MR1: variants seen among roughly 807,000 people sequenced by gnomAD.
MR1 encodes the protein major histocompatibility complex, class I-related.
A neutral mutation model predicts 37.8 loss-of-function variants in MR1; 44 were observed. That is an observed-to-expected ratio of 1.16 (90% CI 0.91 to 1.50). The LOEUF (loss-of-function observed/expected upper bound fraction) is 1.50, where lower values mean the gene tolerates loss of function less well. Among genes scored for constraint, MR1 ranks in the 40% most tolerant of loss-of-function variants. The probability of loss-of-function intolerance (pLI) is 0.00; values close to 1 mark genes in which losing one functional copy is unlikely to be tolerated. For missense variants in MR1, 386 were observed against 419.1 expected (o/e 0.92, Z 0.69); for synonymous variants, 153 against 155.8 (o/e 0.98, Z 0.13).
At chr1:181,035,577 T>C (rs935726250) in intron 1 of MR1, among the ~76,000 whole-genome samples, 1 of 152,134 alleles carries the variant, frequency 6.6e-6, no homozygotes, top group Non-Finnish European at 1.5e-5. Context: ...AAAGCTTATA[T>C]ATTACCTGCA....
chr1:181,053,704 G>A (rs1205555909), intron 5 of MR1, 27 bp downstream of exon 5: 2 of 1,491,380 alleles, frequency 1.3e-6, no homozygotes, highest in African/African-American at 2.8e-5. Flanking sequence ...AGGGATCCAG[G>A]GGGCTGCAGA....
intron 4 of MR1, 98 bp downstream of exon 4, chr1:181,052,608 C>A: frequency 7.5e-7 from 1 of 1,326,972 alleles, no homozygotes; most frequent in Non-Finnish European, 1.0e-6. Flanking sequence ...TAGATCACTG[C>A]CTCACTCAGT....
chr1:181,050,782 A>C (rs1371063857), intron 3 of MR1: 1 of 174,048 alleles, frequency 5.7e-6, no homozygotes, highest in Non-Finnish European at 1.2e-5. Flanking sequence ...GCTTAAGGCC[A>C]GGAGTTTAAG....
intron 1 of MR1, among the ~76,000 whole-genome samples, chr1:181,046,465 C>T (rs1657874938): frequency 6.6e-6 from 1 of 152,036 alleles, no homozygotes; most frequent in Non-Finnish European, 1.5e-5. Flanking sequence ...CTGGTGGGGA[C>T]TTGGAGAACC....
At chr1:181,054,577 G>A (rs111322364) in intron 5 of MR1, among the ~76,000 whole-genome samples, 6 of 152,118 alleles carry the variant, frequency 3.9e-5, no homozygotes, top group East Asian at 3.9e-4. Context: ...GAGGCCGGGC[G>A]TGGTGGCTTA....
At chr1:181,045,154 ATTTTAGGGATGATCCTG>A (rs1657781753) in intron 1 of MR1, among the ~76,000 whole-genome samples, 2 of 152,174 alleles carry the variant, frequency 1.3e-5, no homozygotes, top group Non-Finnish European at 2.9e-5. Flanking sequence ...TAGCCATGAA[ATTTTAGGGATGATCCTG>A]TTTTAGGGAT....
At position 181,053,073 on chromosome 1, in the gene MR1, C is replaced by CA. The variant is rs1472147195; in HGVS notation, c.881-493dup. 5.3e-5 allele frequency among the ~76,000 whole-genome samples: 8 copies of CA among 151,558 alleles called. No homozygotes were observed. In the East Asian group the frequency reaches 5.8e-4, roughly 11 times the overall value. On this transcript the variant is annotated intron_variant, in intron 4 of 5. Transcript: ENST00000367580. The stretch of plus-strand genomic sequence containing the variant: ...GGAGCAAGACTCCCTCTCAAAAAAA[C>CA]AAAAAAACAAAAAACAAAAAAACAC...
At chr1:181,033,612 G>A (rs3806283), upstream of MR1, 33 of 159,114 alleles carry the variant, frequency 2.1e-4, no homozygotes, top group African/African-American at 6.5e-4. Flanking sequence ...GTTCCAAGCC[G>A]TGGGAACTGT....
chr1:181,052,571 C>A, intron 4 of MR1, 61 bp downstream of exon 4: 1 of 1,541,470 alleles, frequency 6.5e-7, no homozygotes, highest in Non-Finnish European at 8.9e-7. Flanking sequence ...GAGCAGGAAA[C>A]CATGCTCGCT....
chr1:181,051,301 G>A (rs1483342768), intron 3 of MR1: 2 of 151,546 alleles, frequency 1.3e-5, no homozygotes, highest in African/African-American at 4.8e-5. Context: ...TCCTAGAAAA[G>A]GATCTTGGAT....
chr1:181,046,045 C>G (rs1264641680), intron 1 of MR1, among the ~76,000 whole-genome samples: 1 of 152,230 alleles, frequency 6.6e-6, no homozygotes, highest in Admixed American at 6.5e-5. Context: ...CGATTTCTCG[C>G]CGGGCCTTAG....
chr1:181,055,501 T>G lies in MR1; in HGVS notation c.*236T>G, dbSNP rs1366172751. On this transcript the variant is annotated 3_prime_UTR_variant, in exon 6 of 6. Coordinates refer to ENST00000367580, the MANE Select transcript of MR1 (RefSeq NM_001385161.1). Reference sequence around the variant, plus strand: ...GATGGACTGTTTTATCAGAGTTGACTTTAAATACAGCTTGTCTCATGACAC... The same window carrying G: ...GATGGACTGTTTTATCAGAGTTGACGTTAAATACAGCTTGTCTCATGACAC... 1 of 537,858 alleles carries G rather than the reference T, an allele frequency of 1.9e-6. No homozygotes were observed. Among genetic ancestry groups the G allele is most frequent in the African/African-American group, 1.9e-5 (1 of 52,726 alleles). The allele number at this position is 537,858 out of a possible 1,614,324, so 33.3% of individuals were successfully genotyped here. A position where few individuals can be genotyped will look rare whatever the true frequency, so the allele number is the denominator to read the frequency against.
rs1658562288 is a variant in MR1, at chr1:181,055,426, T to C, written c.*161T>C. On this transcript the variant is annotated 3_prime_UTR_variant, in exon 6 of 6. Coordinates refer to ENST00000367580, the MANE Select transcript of MR1 (RefSeq NM_001385161.1). The stretch of plus-strand genomic sequence containing the variant: ...TGGCAGCAACAGAGGAGCCACAAAA[T>C]GTTCTTTGTTCTTTGGCTCCAAAAA... The C allele has an allele frequency of 1.6e-6, 1 of 615,428 alleles. No homozygotes were observed. Among genetic ancestry groups the C allele is most frequent in the African/African-American group, 1.9e-5 (1 of 53,922 alleles). The allele number at this position is 615,428 out of a possible 1,614,324, so 38.1% of individuals were successfully genotyped here.
At chr1:181,054,906 A>G (rs1658527134) in intron 5 of MR1, among the ~76,000 whole-genome samples, 1 of 152,148 alleles carries the variant, frequency 6.6e-6, no homozygotes, top group Admixed American at 6.5e-5. Context: ...CAGCTCAGAG[A>G]GTTAATGGGT....
chr1:181,040,694 T>C (rs1314687747), intron 1 of MR1, among the ~76,000 whole-genome samples: 1 of 151,794 alleles, frequency 6.6e-6, no homozygotes, highest in Non-Finnish European at 1.5e-5. Context: ...TTTAGGTGCC[T>C]GGACTTTGAA....
Position 181,052,397 on chromosome 1 carries a change from G to C in MR1, c.767G>C (p.Gly256Ala). ...EIDYGDILPS[G>A]DGTYQAWASI... ...GATTATGGAGACATTCTTCCCAGTG[G>C]GGATGGAACCTATCAGGCGTGGGCA... Residue 256 changes from glycine (G) to alanine (A), a missense_variant, in exon 4 of 6, where the codon GGG becomes GCG. By Grantham distance (60) the Gly-to-Ala change is moderately conservative. Transcript: ENST00000367580. 1.2e-6 allele frequency: 2 copies of C among 1,614,190 alleles called. No homozygotes were observed. Among genetic ancestry groups the C allele is most frequent in the Non-Finnish European group, 1.7e-6 (2 of 1,180,036 alleles).
At chr1:181,052,989 T>C (rs752300749) in intron 4 of MR1, among the ~76,000 whole-genome samples, 1 of 151,862 alleles carries the variant, frequency 6.6e-6, no homozygotes, top group Admixed American at 6.6e-5. Flanking sequence ...CGCTTGAACC[T>C]GGGAGGTGGA....
intron 1 of MR1, among the ~76,000 whole-genome samples, 168 bp from the exon 2 acceptor site, chr1:181,048,884 A>C (rs1439487322): frequency 6.6e-6 from 1 of 152,196 alleles, no homozygotes; most frequent in Non-Finnish European, 1.5e-5. Flanking sequence ...CGTCCTGTCC[A>C]GGCCCCGGTT....
At chr1:181,042,554 C>G (rs1657617777) in intron 1 of MR1, among the ~76,000 whole-genome samples, 1 of 149,706 alleles carries the variant, frequency 6.7e-6, no homozygotes, top group African/African-American at 2.4e-5. Context: ...GTAATCCCAG[C>G]ACTTTGGGAG....
Sources: allele counts gnomAD v4.1 joint callset (sites outside exome capture counted in the v4.1 genomes callset), GRCh38; gene constraint gnomAD v4.1.1; transcripts MANE v1.5; gene names NCBI Gene and HGNC (gene_info 2026-07-23, HGNC 2026-07-21).